Variants in ELF4 observed in about 807,000 individuals in gnomAD.
ELF4 encodes ETS-related transcription factor Elf-4.
ELF4 carries 10 observed loss-of-function variants against 31.7 expected under a neutral mutation model. The ratio of observed to expected loss-of-function variants is 0.32; its 90% CI spans 0.19 to 0.54. The LOEUF (loss-of-function observed/expected upper bound fraction) is 0.54, where lower values mean the gene tolerates loss of function less well. ELF4 is among the 20% of genes least tolerant of loss of function. The pLI is 0.95. For synonymous variants in ELF4, 208 were observed against 226.7 expected (o/e 0.92, Z 0.74); for missense variants, 418 against 522.0 (o/e 0.80, Z 1.94).
In ELF4 at chrX:130,064,061, G is replaced by C. The variant is rs1241424319; in HGVS notation, c.*2660C>G. Among the ~76,000 whole-genome samples, 6 of 107,997 alleles carry C rather than the reference G, an allele frequency of 5.6e-5. No individual in the cohort carries two copies. 93.8% of individuals were successfully genotyped at this position (107,997 alleles called of 115,157 possible). A position where few individuals can be genotyped will look rare whatever the true frequency, so the allele number is the denominator to read the frequency against. ...GCAGAACGTGCAGGTTTGTTACATA[G>C]GTATACATGTGCCATGGTGGTTTGC... On this transcript the variant is annotated 3_prime_UTR_variant, in exon 9 of 9. Coordinates refer to ENST00000308167, the MANE Select transcript of ELF4 (RefSeq NM_001421.4).
At position 130,066,347 on chromosome X, in the gene ELF4, T is replaced by G; in HGVS notation, c.*374A>C. On this transcript the variant is annotated 3_prime_UTR_variant, in exon 9 of 9. Coordinates refer to ENST00000308167, the MANE Select transcript of ELF4 (RefSeq NM_001421.4). ...CATACAGGGATATTCACATATAGGG[T>G]AGTAAATTCCCTGTGTAGGGAATGC... 3.7e-6 allele frequency: 1 copy of G among 267,201 alleles called. No homozygotes were observed. The highest frequency in any genetic ancestry group is 8.7e-5 in the South Asian group (1 of 11,442). The allele number at this position is 267,201 out of a possible 1,213,427, so 22.0% of individuals were successfully genotyped here. A position where few individuals can be genotyped will look rare whatever the true frequency, so the allele number is the denominator to read the frequency against.
intron 1 of ELF4, among the ~76,000 whole-genome samples, chrX:130,096,542 T>C (rs1375392965): frequency 1.8e-5 from 2 of 112,120 alleles, no homozygotes; most frequent in African/African-American, 3.2e-5. Flanking sequence ...ACTCTGAGAA[T>C]AGATTAAAAA....
At position 130,078,672 on chromosome X, in the gene ELF4, G is replaced by A. The variant is rs143500888; in HGVS notation, c.75+2584C>T. ...CTTGGGAGGCTGAGGCAGGAGAATC[G>A]CTTAAACCCAGGAGATGGAGATTGC... On this transcript the variant is annotated intron_variant, in intron 2 of 8. Transcript: ENST00000308167. Among the ~76,000 whole-genome samples the A allele has an allele frequency of 9.1e-3, 986 of 108,491 alleles. 9 individuals carry two copies. Among genetic ancestry groups the A allele is most frequent in the African/African-American group, 0.031 (930 of 29,719 alleles). The allele number at this position is 108,491 out of a possible 115,157, so 94.2% of individuals were successfully genotyped here.
At chrX:130,110,050 G>A (rs1221798858) in intron 1 of ELF4, among the ~76,000 whole-genome samples, 1 of 111,899 alleles carries the variant, frequency 8.9e-6, no homozygotes, top group Non-Finnish European at 1.9e-5. Context: ...GCCCCGTCAC[G>A]GAACCCAGGC....
rs995217148 is a variant in ELF4 at position 130,065,525 on chromosome X, C to T, written c.*1196G>A. 6.9e-5 allele frequency: 12 copies of T among 174,532 alleles called. No individual in the cohort carries two copies. The highest frequency in any genetic ancestry group is 8.8e-5 in the African/African-American group (3 of 34,005). 14.4% of individuals were successfully genotyped at this position (174,532 alleles called of 1,213,427 possible). On this transcript the variant is annotated 3_prime_UTR_variant, in exon 9 of 9. Coordinates refer to ENST00000308167, the MANE Select transcript of ELF4 (RefSeq NM_001421.4). ...CAGTCATCACAGAGGCAGGCTGGTC[C>T]GCCTTCGAGGTGAGTTGCAGGCAGG...
At chrX:130,090,798 A>AC (rs1404874975) in intron 1 of ELF4, among the ~76,000 whole-genome samples, 1 of 111,901 alleles carries the variant, frequency 8.9e-6, no homozygotes, top group African/African-American at 3.3e-5. Flanking sequence ...ATATTTCCTG[A>AC]CATATAGTGA....
rs747939979 is a variant in ELF4, at chrX:130,082,436, C to T, written c.-209-897G>A. Among the ~76,000 whole-genome samples, 5 of 112,200 alleles carry T rather than the reference C, an allele frequency of 4.5e-5. No individual in the cohort carries two copies. The East Asian group carries it at 1.4e-3, about 32-fold the overall frequency. Reference sequence around the variant, plus strand: ...TCAGTTTCAAGAGTGAACTGTCACCCTGGGAACTGGTGAGGAGAGCCCCGA... The same window carrying T: ...TCAGTTTCAAGAGTGAACTGTCACCTTGGGAACTGGTGAGGAGAGCCCCGA... On this transcript the variant is annotated intron_variant, in intron 1 of 8. Coordinates refer to ENST00000308167, the MANE Select transcript of ELF4 (RefSeq NM_001421.4).
rs943202258 is a variant in ELF4, at chrX:130,064,187, C to T, written c.*2534G>A. Among the ~76,000 whole-genome samples the T allele has an allele frequency of 9.0e-6, 1 of 110,716 alleles. No individual in the cohort carries two copies. Among genetic ancestry groups the T allele is most frequent in the African/African-American group, 3.3e-5 (1 of 30,422 alleles). On this transcript the variant is annotated 3_prime_UTR_variant, in exon 9 of 9. Coordinates refer to ENST00000308167, the MANE Select transcript of ELF4 (RefSeq NM_001421.4). ...CCGTGGTTGCTCACGCCTGTAATCC[C>T]AGCACTTTGGGAGGCCAAGGTGGGT...
intron 8 of ELF4, 23 bp from the exon 9 acceptor site, chrX:130,067,548 G>C (rs998711099): frequency 2.5e-6 from 3 of 1,199,133 alleles, no homozygotes; most frequent in Non-Finnish European, 3.4e-6. Context: ...AGAGAACAGA[G>C]TTGGTTAAGG....
At position 130,064,405 on chromosome X, in the gene ELF4, T is replaced by C. The variant is rs1280307802; in HGVS notation, c.*2316A>G. On this transcript the variant is annotated 3_prime_UTR_variant, in exon 9 of 9. Transcript: ENST00000308167. ...GTGAACCGAGATTGCACCACTGCAC[T>C]CCAGCCGACAGAGCAAGACTCTGAC... Among the ~76,000 whole-genome samples, 17 of 112,005 alleles carry C rather than the reference T, an allele frequency of 1.5e-4. No individual in the cohort carries two copies. In the Admixed American group the frequency reaches 1.6e-3, roughly 11 times the overall value.
At chrX:130,094,872 G>C (rs1026629558) in intron 1 of ELF4, among the ~76,000 whole-genome samples, 3 of 111,356 alleles carry the variant, frequency 2.7e-5, no homozygotes, top group Admixed American at 1.9e-4. Flanking sequence ...CTCAAAGCTG[G>C]CGGCACGTGT....
At chrX:130,075,170 T>C (rs1417642324) in intron 2 of ELF4, among the ~76,000 whole-genome samples, 3 of 111,296 alleles carry the variant, frequency 2.7e-5, no homozygotes, top group African/African-American at 6.5e-5. Context: ...GGTTTCATCA[T>C]GTTGGCCAGG....
Position 130,110,451 on chromosome X carries a change from G to A in ELF4, c.-336C>T, listed in dbSNP as rs1448060733. The A allele has an allele frequency of 9.0e-6, 1 of 110,723 alleles. No individual in the cohort carries two copies. Among genetic ancestry groups the A allele is most frequent in the Admixed American group, 9.3e-5 (1 of 10,711 alleles). 9.1% of individuals were successfully genotyped at this position (110,723 alleles called of 1,213,427 possible). A position where few individuals can be genotyped will look rare whatever the true frequency, so the allele number is the denominator to read the frequency against. On this transcript the variant is annotated 5_prime_UTR_variant, in exon 1 of 9. Transcript: ENST00000308167. The stretch of plus-strand genomic sequence containing the variant: ...GCCCGTCCTCTCCCCTCGGAAGCCG[G>A]GCCGGGCGAGCGGCGCCAGGAACTC...
chrX:130,086,337 A>G (rs1483455513), intron 1 of ELF4, among the ~76,000 whole-genome samples: 2 of 112,032 alleles, frequency 1.8e-5, no homozygotes, highest in Admixed American at 1.9e-4. Context: ...CCCAACTCTG[A>G]TGGTGAGGTG....
At chrX:130,091,317 A>G (rs1933053470) in intron 1 of ELF4, among the ~76,000 whole-genome samples, 2 of 94,893 alleles carry the variant, frequency 2.1e-5, no homozygotes. Flanking sequence ...AATCCCAGCT[A>G]CTCAGGAGGC....
chrX:130,093,037 G>A (rs1238319255), intron 1 of ELF4, among the ~76,000 whole-genome samples: 1 of 111,054 alleles, frequency 9.0e-6, no homozygotes, highest in East Asian at 2.8e-4. Flanking sequence ...TATAGGCCGG[G>A]TGTGATGGCT....
At chrX:130,073,333 C>T (rs985202463) in intron 4 of ELF4, among the ~76,000 whole-genome samples, 4 of 111,110 alleles carry the variant, frequency 3.6e-5, no homozygotes, top group African/African-American at 9.8e-5. Flanking sequence ...GTATTCCACC[C>T]GCCTCAGCCT....
intron 1 of ELF4, among the ~76,000 whole-genome samples, chrX:130,096,175 GT>G (rs942532895): frequency 5.5e-5 from 6 of 109,146 alleles, no homozygotes; most frequent in African/African-American, 2.0e-4. Context: ...AATGTTTTGG[GT>G]TTTTTTTTGT....
intron 8 of ELF4, among the ~76,000 whole-genome samples, chrX:130,068,691 G>A (rs1355773902): frequency 8.9e-6 from 1 of 112,746 alleles, no homozygotes; most frequent in African/African-American, 3.2e-5. Context: ...GCTCACAGCA[G>A]GCAGCTCTAA....
Sources: gnomAD v4.1 joint callset for allele counts (sites outside exome capture counted in the v4.1 genomes callset) on GRCh38, gnomAD v4.1.1 for gene constraint, MANE v1.5 for transcripts, NCBI Gene and HGNC (gene_info 2026-07-23, HGNC 2026-07-21) for gene names.